The following CMYA5 variants were observed in gnomAD, a reference collection of about 807,000 sequenced individuals.
CMYA5 encodes the protein cardiomyopathy associated 5.
In CMYA5, 246 loss-of-function variants were observed where a neutral mutation model predicts 318.9. The observed-to-expected ratio is 0.77, with a 90% CI of 0.70 to 0.86. CMYA5 has a LOEUF of 0.86. Ranked by LOEUF, CMYA5 falls within the 40% of genes least tolerant of loss-of-function variation. CMYA5 has a pLI of 0.00. For synonymous variants in CMYA5, 1,641 were observed against 1,729.5 expected (o/e 0.95, Z 1.27); for missense variants, 4,589 against 4,678.2 (o/e 0.98, Z 0.56).
At chr5:79,739,551 AG>A in intron 2 of CMYA5, 148 bp downstream of exon 2, 1 of 687,942 alleles carries the variant, frequency 1.5e-6, no homozygotes, top group Non-Finnish European at 2.2e-6. Flanking sequence ...TATTTCTCCA[AG>A]AATTTAGTTA....
At chr5:79,774,702 C>G (rs1052345883) in intron 9 of CMYA5, among the ~76,000 whole-genome samples, 2 of 152,146 alleles carry the variant, frequency 1.3e-5, no homozygotes, top group Admixed American at 6.5e-5. Context: ...GCTCAGGGTG[C>G]TGGGCCTGTG....
In CMYA5 at chr5:79,799,710, T is replaced by C. The variant is rs1326091912; in HGVS notation, c.*94T>C. ...GGTGCTATACATTATTCAAAAAGTC[T>C]CCCGCGCATTTGCACTAATGATGGC... On this transcript the variant is annotated 3_prime_UTR_variant, in exon 13 of 13. Coordinates refer to ENST00000446378, the MANE Select transcript of CMYA5 (RefSeq NM_153610.5). 4 of 1,451,774 alleles carry C rather than the reference T, an allele frequency of 2.8e-6. No individual in the cohort carries two copies. The African/African-American group carries it at 5.7e-5, about 21-fold the overall frequency. The allele number at this position is 1,451,774 out of a possible 1,614,324, so 89.9% of individuals were successfully genotyped here. A position where few individuals can be genotyped will look rare whatever the true frequency, so the allele number is the denominator to read the frequency against.
chr5:79,711,568 A>C (rs1489605547), intron 1 of CMYA5, among the ~76,000 whole-genome samples: 6 of 152,242 alleles, frequency 3.9e-5, no homozygotes, highest in Non-Finnish European at 8.8e-5. Flanking sequence ...GAAAGAAATT[A>C]ACCACTTTCA....
At chr5:79,746,554 A>AG in intron 4 of CMYA5, among the ~76,000 whole-genome samples, 1 of 150,938 alleles carries the variant, frequency 6.6e-6, no homozygotes, top group Middle Eastern at 3.4e-3. Context: ...CTGTAAAAAA[A>AG]AAAAAAAAAA....
chr5:79,738,889 T>C lies in CMYA5; in HGVS notation c.10124T>C (p.Val3375Ala), dbSNP rs376861054. 6 of 1,613,898 alleles carry C rather than the reference T, an allele frequency of 3.7e-6. No individual in the cohort carries two copies. The highest frequency in any genetic ancestry group is 5.1e-6 in the Non-Finnish European group (6 of 1,179,866). Reference protein sequence around the residue: ...ASPEVNLNVPVQVSFPEEEFA... With the variant: ...ASPEVNLNVPAQVSFPEEEFA... Reference sequence around the variant, plus strand: ...CCAGAGGTCAATCTGAATGTCCCAGTACAAGTGTCCTTCCCGGAGGAAGAA... The same window carrying C: ...CCAGAGGTCAATCTGAATGTCCCAGCACAAGTGTCCTTCCCGGAGGAAGAA... The change falls in exon 2 of 13, where the codon GTA becomes GCA. Residue 3375 changes from valine (V) to alanine (A), a missense_variant. This residue lies in a region of CMYA5 where 2,431 missense variants were observed against 2,495.1 expected (regional missense o/e 0.97). Coordinates refer to ENST00000446378, the MANE Select transcript of CMYA5 (RefSeq NM_153610.5).
At position 79,730,748 on chromosome 5, in the gene CMYA5, T is replaced by C; in HGVS notation, c.1983T>C (p.Thr661=). The change falls in exon 2 of 13, where the codon ACT becomes ACC. Residue 661 remains threonine (T), a synonymous_variant. Coordinates refer to ENST00000446378, the MANE Select transcript of CMYA5 (RefSeq NM_153610.5). ...TCTCACCATCCACAACTGAGAAGAC[T>C]TCAGAGAACCAGTCTCCACTGTTTT... The part of the protein sequence containing the change: ...SSLSPSTTEK[T]SENQSPLFST... 1 of 1,613,820 alleles carries C rather than the reference T, an allele frequency of 6.2e-7. No individual in the cohort carries two copies. The highest frequency in any genetic ancestry group is 2.2e-5 in the East Asian group (1 of 44,856).
intron 1 of CMYA5, among the ~76,000 whole-genome samples, chr5:79,725,157 C>T (rs1827719932): frequency 6.6e-6 from 1 of 152,144 alleles, no homozygotes; most frequent in Non-Finnish European, 1.5e-5. Context: ...ACCAAAAAGG[C>T]ATGTACACTT....
chr5:79,745,197 G>T (rs1828294107), intron 3 of CMYA5, 25 bp from the exon 4 acceptor site: 1 of 1,452,634 alleles, frequency 6.9e-7, no homozygotes, highest in East Asian at 2.5e-5. Context: ...TTCAGAAGTG[G>T]GCTTTTTTGC....
intron 1 of CMYA5, among the ~76,000 whole-genome samples, chr5:79,722,115 C>A (rs541180968): frequency 1.3e-5 from 2 of 152,254 alleles, no homozygotes; most frequent in South Asian, 4.1e-4. Flanking sequence ...AAAATAAATT[C>A]TCTGATCACA....
At chr5:79,784,617 G>A (rs375462760) in intron 9 of CMYA5, among the ~76,000 whole-genome samples, 83 of 87,312 alleles carry the variant, frequency 9.5e-4, no homozygotes, top group African/African-American at 3.7e-3. Context: ...ATATAGTCTC[G>A]TGGTGCGCCG....
intron 12 of CMYA5, among the ~76,000 whole-genome samples, chr5:79,798,364 C>T (rs575992363): frequency 1.3e-5 from 2 of 152,230 alleles, no homozygotes; most frequent in South Asian, 4.2e-4. Flanking sequence ...TCTCTTCTTC[C>T]ATCTCTCATT....
At chr5:79,766,654 C>T (rs1828760060) in intron 9 of CMYA5, among the ~76,000 whole-genome samples, 1 of 152,144 alleles carries the variant, frequency 6.6e-6, no homozygotes, top group South Asian at 2.1e-4. Context: ...AGGGATCAAG[C>T]TGATTTGATT....
chr5:79,745,480 AAAC>A (rs1828305363), intron 4 of CMYA5, 25 bp downstream of exon 4: 2 of 1,517,218 alleles, frequency 1.3e-6, no homozygotes, highest in African/African-American at 2.7e-5. Flanking sequence ...AAATGGGCTC[AAAC>A]ACCTTGCGCC....
intron 9 of CMYA5, among the ~76,000 whole-genome samples, chr5:79,767,207 T>C (rs1828771330): frequency 6.6e-6 from 1 of 152,252 alleles, no homozygotes; most frequent in African/African-American, 2.4e-5. Context: ...TTCTTCTTTA[T>C]TAGTCTGGCT....
intron 5 of CMYA5, among the ~76,000 whole-genome samples, chr5:79,748,520 C>CTAT (rs1561218115): frequency 1.3e-5 from 2 of 149,082 alleles, no homozygotes; most frequent in African/African-American, 5.0e-5. Flanking sequence ...TATCTATCTA[C>CTAT]CTATCTATCT....
intron 1 of CMYA5, among the ~76,000 whole-genome samples, chr5:79,711,378 A>C (rs1329698346): frequency 6.6e-6 from 1 of 152,204 alleles, no homozygotes; most frequent in African/African-American, 2.4e-5. Flanking sequence ...AATTTGTCTA[A>C]AGTGGAATAG....
chr5:79,729,867 G>A lies in CMYA5; in HGVS notation c.1102G>A (p.Glu368Lys). 1 of 1,612,646 alleles carries A rather than the reference G, an allele frequency of 6.2e-7. No individual in the cohort carries two copies. Among genetic ancestry groups the A allele is most frequent in the Non-Finnish European group, 8.5e-7 (1 of 1,179,198 alleles). ...TTCACAGTCAGTGCCACAACAGCCA[G>A]AAGATGAAGCAAAACCACATGAAGT... is the stretch of plus-strand genomic sequence containing the variant. ...RHSQSVPQQP[E>K]DEAKPHEVEP... Residue 368 changes from glutamate to lysine, a missense_variant, in exon 2 of 13, where the codon GAA (glutamate) becomes AAA (lysine). Coordinates refer to ENST00000446378, the MANE Select transcript of CMYA5 (RefSeq NM_153610.5).
chr5:79,769,335 C>T (rs1828813681), intron 9 of CMYA5, among the ~76,000 whole-genome samples: 1 of 151,910 alleles, frequency 6.6e-6, no homozygotes, highest in Non-Finnish European at 1.5e-5. Context: ...GTTTTGTTCC[C>T]TTGCTGGTGA....
Position 79,738,880 on chromosome 5 carries a change from A to G in CMYA5, c.10115A>G (p.Asn3372Ser), listed in dbSNP as rs181547235. Residue 3372 changes from asparagine to serine, a missense_variant, in exon 2 of 13, where the codon AAT (asparagine) becomes AGT (serine). Physicochemically the swap from Asn to Ser is conservative, Grantham distance 46 (BLOSUM62 1). This residue lies in a region of CMYA5 where 2,431 missense variants were observed against 2,495.1 expected (regional missense o/e 0.97). Coordinates refer to ENST00000446378, the MANE Select transcript of CMYA5 (RefSeq NM_153610.5). ...VGNASPEVNL[N>S]VPVQVSFPEE... ...AATGCAAGTCCAGAGGTCAATCTGA[A>G]TGTCCCAGTACAAGTGTCCTTCCCG... The G allele has an allele frequency of 1.2e-6, 2 of 1,613,868 alleles. No individual in the cohort carries two copies. The highest frequency in any genetic ancestry group is 2.7e-5 in the African/African-American group (2 of 75,032).
Sources: allele counts gnomAD v4.1 joint callset (sites outside exome capture counted in the v4.1 genomes callset), GRCh38; gene constraint gnomAD v4.1.1; regional missense constraint gnomAD v4.1.1; transcripts MANE v1.5; gene names NCBI Gene and HGNC (gene_info 2026-07-23, HGNC 2026-07-21).